Variants in COG5 observed in about 807,000 individuals in gnomAD.
COG5 encodes the protein component of oligomeric golgi complex 5, also known as conserved oligomeric Golgi complex subunit 5.
A neutral mutation model predicts 110.4 loss-of-function variants in COG5; 86 were observed. That is an observed-to-expected ratio of 0.78 (90% CI 0.65 to 0.93). The LOEUF (loss-of-function observed/expected upper bound fraction) is 0.93, where lower values mean the gene tolerates loss of function less well. Among genes scored for constraint, COG5 ranks in the 40% least tolerant of loss-of-function variants. The pLI is 0.00. For synonymous variants in COG5, 360 were observed against 334.6 expected (o/e 1.08, Z -0.83); for missense variants, 1,077 against 987.0 (o/e 1.09, Z -1.22).
intron 11 of COG5, among the ~76,000 whole-genome samples, chr7:107,305,568 G>T (rs1422072076): frequency 2.6e-5 from 4 of 151,984 alleles, no homozygotes; most frequent in Non-Finnish European, 4.4e-5. Context: ...GGGAATCCTG[G>T]CATGGCTTAG....
intron 3 of COG5, among the ~76,000 whole-genome samples, chr7:107,550,902 T>C (rs1243693209): frequency 6.6e-6 from 1 of 151,804 alleles, no homozygotes; most frequent in Non-Finnish European, 1.5e-5. Flanking sequence ...TTTTTTTTTT[T>C]TTATCTACCT....
chr7:107,243,094 A>G (rs1405426330), intron 17 of COG5, among the ~76,000 whole-genome samples: 1 of 152,250 alleles, frequency 6.6e-6, no homozygotes, highest in African/African-American at 2.4e-5. Flanking sequence ...CAAACATCAA[A>G]AAAGACAAAT....
At chr7:107,438,694 C>T (rs2129084708) in intron 6 of COG5, among the ~76,000 whole-genome samples, 1 of 152,294 alleles carries the variant, frequency 6.6e-6, no homozygotes, top group South Asian at 2.1e-4. Context: ...AGACTTTATA[C>T]TGTTTACAAC....
intron 10 of COG5, among the ~76,000 whole-genome samples, chr7:107,343,481 G>T (rs1162867623): frequency 6.6e-6 from 1 of 152,084 alleles, no homozygotes; most frequent in Non-Finnish European, 1.5e-5. Context: ...AGGTGTTTGA[G>T]ACCAGCCTGG....
chr7:107,308,716 C>G (rs1336067033), intron 11 of COG5, among the ~76,000 whole-genome samples: 1 of 150,726 alleles, frequency 6.6e-6, no homozygotes, highest in South Asian at 2.2e-4. Flanking sequence ...AAGTTCCATA[C>G]CATCATTAAT....
At chr7:107,529,620 G>A (rs1406410581) in intron 5 of COG5, among the ~76,000 whole-genome samples, 1 of 152,180 alleles carries the variant, frequency 6.6e-6, no homozygotes, top group Non-Finnish European at 1.5e-5. Flanking sequence ...CCACCCTAAG[G>A]GAAGAATCTT....
At chr7:107,502,033 A>G (rs759605015) in intron 6 of COG5, among the ~76,000 whole-genome samples, 5 of 152,136 alleles carry the variant, frequency 3.3e-5, no homozygotes, top group Non-Finnish European at 7.4e-5. Flanking sequence ...TTTTTATTTC[A>G]ATAGCTTTTG....
At chr7:107,370,815 T>C (rs1329730585) in intron 8 of COG5, among the ~76,000 whole-genome samples, 1 of 148,818 alleles carries the variant, frequency 6.7e-6, no homozygotes, top group Admixed American at 6.7e-5. Context: ...TATATATATA[T>C]ATACACACAC....
intron 7 of COG5, 41 bp downstream of exon 7, chr7:107,412,461 G>C: frequency 6.3e-7 from 1 of 1,590,266 alleles, no homozygotes; most frequent in South Asian, 1.1e-5. Flanking sequence ...CCTGTATTAT[G>C]ACACATTTTT....
At chr7:107,324,871 C>T (rs527306547) in intron 10 of COG5, among the ~76,000 whole-genome samples, 2 of 152,018 alleles carry the variant, frequency 1.3e-5, no homozygotes, top group African/African-American at 4.8e-5. Flanking sequence ...TGGGACAATG[C>T]CTGAAATACA....
rs190120187 is a variant in COG5 at position 107,509,111 on chromosome 7, A to G, written c.538+18126T>C. On this transcript the variant is annotated intron_variant, in intron 6 of 21. Coordinates refer to ENST00000297135, the MANE Select transcript of COG5 (RefSeq NM_006348.5). ...ATCAAACTACTCTGAGCTAAAGGAG[A>G]AAGTTCGAACCAATGGCAAAGAAGT... 9.2e-5 allele frequency among the ~76,000 whole-genome samples: 14 copies of G among 152,278 alleles called. No individual in the cohort carries two copies. The East Asian group carries it at 2.3e-3, about 25-fold the overall frequency.
intron 7 of COG5, among the ~76,000 whole-genome samples, chr7:107,386,307 G>C (rs1790191557): frequency 6.6e-6 from 1 of 152,046 alleles, no homozygotes; most frequent in Non-Finnish European, 1.5e-5. Context: ...GGTTGCAACT[G>C]TTTATGGCAC....
chr7:107,347,787 A>C (rs1371702387), intron 10 of COG5, among the ~76,000 whole-genome samples: 1 of 152,138 alleles, frequency 6.6e-6, no homozygotes, highest in Non-Finnish European at 1.5e-5. Context: ...TTCTTTTACT[A>C]TGCTGGGTCA....
intron 5 of COG5, among the ~76,000 whole-genome samples, chr7:107,545,599 G>A (rs1033431267): frequency 2.6e-5 from 4 of 151,942 alleles, no homozygotes; most frequent in African/African-American, 9.7e-5. Context: ...GGCCAAGAAG[G>A]CGAAATGCCA....
At chr7:107,427,513 C>A (rs905100050) in intron 6 of COG5, among the ~76,000 whole-genome samples, 3 of 151,972 alleles carry the variant, frequency 2.0e-5, no homozygotes, top group African/African-American at 2.4e-5. Flanking sequence ...AGTCTTAACC[C>A]TCAGTACCTG....
At chr7:107,360,837 T>C (rs1584727738) in intron 10 of COG5, among the ~76,000 whole-genome samples, 1 of 152,332 alleles carries the variant, frequency 6.6e-6, no homozygotes, top group East Asian at 1.9e-4. Flanking sequence ...TTGTGGGGTC[T>C]GGGCTGGTAG....
intron 11 of COG5, among the ~76,000 whole-genome samples, chr7:107,299,853 A>ATATATATATC (rs1204392279): frequency 3.0e-4 from 38 of 126,450 alleles, no homozygotes; most frequent in Non-Finnish European, 5.5e-4. Context: ...ATATATATAT[A>ATATATATATC]TATATCTGGA....
Position 107,281,382 on chromosome 7 carries a change from G to C in COG5, c.1493C>G (p.Ala498Gly). 1.2e-6 allele frequency: 2 copies of C among 1,612,876 alleles called. No individual in the cohort carries two copies. Among genetic ancestry groups the C allele is most frequent in the Middle Eastern group, 3.3e-4 (2 of 6,058 alleles). Residue 498 changes from alanine (A) to glycine (G), a missense_variant, in exon 14 of 22, where the codon GCT becomes GGT. Ala to Gly is a moderately conservative substitution (Grantham distance 60, BLOSUM62 0). Coordinates refer to ENST00000297135, the MANE Select transcript of COG5 (RefSeq NM_006348.5). Reference protein sequence around the residue: ...KTIASELNVAAVDTNLTLAVS... With the variant: ...KTIASELNVAGVDTNLTLAVS... ...AGCTAATGTGAGGTTTGTATCAACAGCAGCAACATTTAGTTCACTGGAGAA... is the reference window on the plus strand; with the variant it reads ...AGCTAATGTGAGGTTTGTATCAACACCAGCAACATTTAGTTCACTGGAGAA...
Position 107,508,214 on chromosome 7 carries a change from G to A in COG5, c.538+19023C>T, listed in dbSNP as rs560331960. Among the ~76,000 whole-genome samples, 6 of 152,352 alleles carry A rather than the reference G, an allele frequency of 3.9e-5. No homozygotes were observed. In the East Asian group the frequency reaches 7.7e-4, roughly 20 times the overall value. On this transcript the variant is annotated intron_variant, in intron 6 of 21. Coordinates refer to ENST00000297135, the MANE Select transcript of COG5 (RefSeq NM_006348.5). ...ACTTTTCCAATGGGCTTAAAAAAAC[G>A]GCACACCAGGGGATTATATCCCGCA...
Sources: gnomAD v4.1 joint callset for allele counts (sites outside exome capture counted in the v4.1 genomes callset) on GRCh38, gnomAD v4.1.1 for gene constraint, MANE v1.5 for transcripts, NCBI Gene and HGNC (gene_info 2026-07-23, HGNC 2026-07-21) for gene names.